R3HCC1L: variants seen among roughly 807,000 people sequenced by gnomAD.
The protein encoded by R3HCC1L is coiled-coil domain-containing protein R3HCC1L.
Under a neutral mutation model 59.9 loss-of-function variants are expected in R3HCC1L, and 51 were observed. The observed-to-expected ratio is 0.85, with a 90% CI of 0.68 to 1.07. R3HCC1L has a LOEUF of 1.07. Ranked by LOEUF, R3HCC1L falls within the 50% of genes least tolerant of loss-of-function variation. The pLI, the probability that R3HCC1L is intolerant of heterozygous loss-of-function variation, is 0.00. For synonymous variants in R3HCC1L, 322 were observed against 315.2 expected (o/e 1.02, Z -0.23); for missense variants, 965 against 933.0 (o/e 1.03, Z -0.45).
In R3HCC1L at chr10:98,244,160, C is replaced by T. The variant is rs983235347; in HGVS notation, c.*2C>T. 25 of 1,613,164 alleles carry T rather than the reference C, an allele frequency of 1.5e-5. No homozygotes were observed. The highest frequency in any genetic ancestry group is 1.6e-4 in the Middle Eastern group (1 of 6,082). Reference sequence around the variant, plus strand: ...GGCAGAGACCAGTCTACAGTTTGAACATCACTCAATGAAAGGGATAATTCC... The same window carrying T: ...GGCAGAGACCAGTCTACAGTTTGAATATCACTCAATGAAAGGGATAATTCC... On this transcript the variant is annotated 3_prime_UTR_variant, in exon 10 of 10. Transcript: ENST00000298999.
intron 4 of R3HCC1L, chr10:98,174,555 A>G: frequency 1.1e-6 from 1 of 940,864 alleles, no homozygotes; most frequent in Non-Finnish European, 1.3e-6. Context: ...AGGAGTATAT[A>G]ATGAGAGTGA....
chr10:98,176,755 A>G (rs1342051185), intron 4 of R3HCC1L, among the ~76,000 whole-genome samples: 1 of 152,086 alleles, frequency 6.6e-6, no homozygotes, highest in Non-Finnish European at 1.5e-5. Context: ...AGAAGTGACA[A>G]GTGTGGTCAT....
chr10:98,170,424 C>G (rs1848404973), intron 4 of R3HCC1L, among the ~76,000 whole-genome samples: 1 of 152,088 alleles, frequency 6.6e-6, no homozygotes. Flanking sequence ...CAAGCAGTCT[C>G]CCTCCCTCTC....
Position 98,147,195 on chromosome 10 carries a change from C to T in R3HCC1L, c.-267-8898C>T, listed in dbSNP as rs151300953. Among the ~76,000 whole-genome samples, 497 of 152,136 alleles carry T rather than the reference C, an allele frequency of 3.3e-3. 4 individuals carry two copies. The highest frequency in any genetic ancestry group is 9.2e-3 in the African/African-American group (384 of 41,542). ...ACATTTTTTTCATATACCTGTTGGC[C>T]GTTTGAATGTCATCTTTTGAAACAT... On this transcript the variant is annotated intron_variant, in intron 1 of 9. Transcript: ENST00000298999.
In R3HCC1L at chr10:98,152,568, C is replaced by T. The variant is rs374344807; in HGVS notation, c.-267-3525C>T. ...AGGAGCGCCTCTTCCCGGCCGCCATCCCGTCTAGGAAGTGAGGAGCGTCTC... is the reference window on the plus strand; with the variant it reads ...AGGAGCGCCTCTTCCCGGCCGCCATTCCGTCTAGGAAGTGAGGAGCGTCTC... On this transcript the variant is annotated intron_variant, in intron 1 of 9. Transcript: ENST00000298999. Among the ~76,000 whole-genome samples the T allele has an allele frequency of 7.5e-4, 98 of 130,420 alleles. 25 individuals carry two copies. In the South Asian group the frequency reaches 0.02, roughly 26 times the overall value. The allele number at this position is 130,420 out of a possible 152,430, so 85.6% of individuals were successfully genotyped here. A position where few individuals can be genotyped will look rare whatever the true frequency, so the allele number is the denominator to read the frequency against.
At chr10:98,169,471 A>G (rs1848298448) in intron 4 of R3HCC1L, among the ~76,000 whole-genome samples, 1 of 152,260 alleles carries the variant, frequency 6.6e-6, no homozygotes, top group African/African-American at 2.4e-5. Flanking sequence ...CCTGTCATGT[A>G]GTAAGCACTC....
intron 5 of R3HCC1L, among the ~76,000 whole-genome samples, chr10:98,223,159 A>G (rs939490260): frequency 8.5e-5 from 13 of 152,360 alleles, no homozygotes; most frequent in African/African-American, 2.2e-4. Flanking sequence ...AATCAATAGA[A>G]TAAGAGGGAA....
chr10:98,138,405 C>G (rs1329162913), intron 1 of R3HCC1L, among the ~76,000 whole-genome samples: 1 of 152,096 alleles, frequency 6.6e-6, no homozygotes, highest in Non-Finnish European at 1.5e-5. Flanking sequence ...ATCTTAAACA[C>G]TTTTGGCTGG....
Position 98,208,798 on chromosome 10 carries a change from G to A in R3HCC1L, c.684G>A (p.Met228Ile). The change falls in exon 5 of 10, where the codon ATG (methionine) becomes ATA (isoleucine). Residue 228 changes from methionine to isoleucine, a missense_variant. Transcript: ENST00000298999. Reference protein sequence around the residue: ...YEFPRVFSSVMKPENMIVPIK... With the variant: ...YEFPRVFSSVIKPENMIVPIK... The stretch of plus-strand genomic sequence containing the variant: ...TTCCTAGAGTTTTTAGTTCTGTCAT[G>A]AAACCTGAGAATATGATTGTACCAA... 6.2e-7 allele frequency: 1 copy of A among 1,614,022 alleles called. No individual in the cohort carries two copies. Among genetic ancestry groups the A allele is most frequent in the Non-Finnish European group, 8.5e-7 (1 of 1,179,972 alleles).
Position 98,236,040 on chromosome 10 carries a change from A to G in R3HCC1L, c.2145A>G (p.Ala715=). Residue 715 remains alanine (A), a synonymous_variant, in exon 9 of 10, where the codon GCA becomes GCG. Transcript: ENST00000298999. ...ARAYAEFLQP[A]KERPETSAAL... ...TCGATTCAGAGTTCCTCCAGCCAGC[A>G]AAGGAGCGTCCTGAGACTTCAGCAG... 2 of 1,613,768 alleles carry G rather than the reference A, an allele frequency of 1.2e-6. No homozygotes were observed. Among genetic ancestry groups the G allele is most frequent in the Non-Finnish European group, 1.7e-6 (2 of 1,179,754 alleles).
intron 9 of R3HCC1L, 93 bp downstream of exon 9, chr10:98,236,257 T>C (rs1192073954): frequency 1.3e-6 from 2 of 1,495,692 alleles, no homozygotes; most frequent in Admixed American, 2.4e-5. Context: ...CATTCCATTT[T>C]TGTCGTTTCT....
chr10:98,172,442 A>T, intron 4 of R3HCC1L, among the ~76,000 whole-genome samples: 1 of 152,228 alleles, frequency 6.6e-6, no homozygotes, highest in East Asian at 1.9e-4. Flanking sequence ...AGAGGTTTAC[A>T]CTGCAAGTAA....
chr10:98,215,763 C>A (rs902688453), intron 5 of R3HCC1L, among the ~76,000 whole-genome samples: 2 of 151,988 alleles, frequency 1.3e-5, no homozygotes, highest in African/African-American at 2.4e-5. Context: ...GAAGCAATAA[C>A]AATATGTTGA....
intron 1 of R3HCC1L, among the ~76,000 whole-genome samples, chr10:98,149,503 G>T (rs546126450): frequency 6.6e-6 from 1 of 151,882 alleles, no homozygotes; most frequent in Non-Finnish European, 1.5e-5. Flanking sequence ...CCCTCTTACC[G>T]CTGCTTTTGC....
At chr10:98,136,021 T>TG (rs1206833871) in intron 1 of R3HCC1L, among the ~76,000 whole-genome samples, 1 of 151,888 alleles carries the variant, frequency 6.6e-6, no homozygotes, top group African/African-American at 2.4e-5. Flanking sequence ...CAATCAGTTT[T>TG]TTTTTTTTTT....
intron 2 of R3HCC1L, among the ~76,000 whole-genome samples, chr10:98,162,023 T>G (rs1022031232): frequency 1.3e-5 from 2 of 152,190 alleles, no homozygotes; most frequent in African/African-American, 4.8e-5. Flanking sequence ...AGAATATCTT[T>G]CCATTTGTTC....
intron 1 of R3HCC1L, among the ~76,000 whole-genome samples, chr10:98,154,182 C>CA (rs61379048): frequency 0.057 from 5,282 of 92,668 alleles, 206 homozygotes; most frequent in East Asian, 0.16. Context: ...AGAGAATAAG[C>CA]AAAAAAAAAA....
At position 98,208,772 on chromosome 10, in the gene R3HCC1L, T is replaced by C. The variant is rs765144791; in HGVS notation, c.658T>C (p.Phe220Leu). ...CAAGGTTTTGGAGATACTATATGAG[T>C]TTCCTAGAGTTTTTAGTTCTGTCAT... ...DTKVLEILYE[F>L]PRVFSSVMKP... The change falls in exon 5 of 10, where the codon TTT becomes CTT. Residue 220 changes from phenylalanine (F) to leucine (L), a missense_variant. Physicochemically the swap from Phe to Leu is conservative, Grantham distance 22 (BLOSUM62 0). Coordinates refer to ENST00000298999, the MANE Select transcript of R3HCC1L (RefSeq NM_001351015.2). 15 of 1,613,888 alleles carry C rather than the reference T, an allele frequency of 9.3e-6. No homozygotes were observed. In the Admixed American group the frequency reaches 2.2e-4, roughly 23 times the overall value.
chr10:98,241,202 A>C (rs1857499997), intron 9 of R3HCC1L, among the ~76,000 whole-genome samples: 1 of 152,110 alleles, frequency 6.6e-6, no homozygotes, highest in South Asian at 2.1e-4. Flanking sequence ...GTTTGACCAG[A>C]CGCGTTCTTC....
Sources: allele counts gnomAD v4.1 joint callset (sites outside exome capture counted in the v4.1 genomes callset), GRCh38; gene constraint gnomAD v4.1.1; transcripts MANE v1.5; gene names NCBI Gene and HGNC (gene_info 2026-07-23, HGNC 2026-07-21).